Variants in MAP4K5 observed in about 807,000 individuals in gnomAD.
MAP4K5 encodes mitogen-activated protein kinase kinase kinase kinase 5.
In MAP4K5, 82 loss-of-function variants were observed where a neutral mutation model predicts 135.6. That is an observed-to-expected ratio of 0.60 (90% CI 0.51 to 0.73). MAP4K5 has a LOEUF of 0.73. Ranked by LOEUF, MAP4K5 falls within the 30% of genes least tolerant of loss-of-function variation. The pLI is 0.00. For synonymous variants in MAP4K5, 347 were observed against 335.0 expected (o/e 1.04, Z -0.39); for missense variants, 907 against 1,010.9 (o/e 0.90, Z 1.39).
At position 50,466,627 on chromosome 14, in the gene MAP4K5, T is replaced by C; in HGVS notation, c.693A>G (p.Ser231=). ...LHPMRALFLM[S]KSNFQPPKLK... is the part of the protein sequence containing the mutation. ...GTTTTGGAGGCTGAAAATTACTTTT[T>C]GACATTAAGAAGAGAGCCCTGAAAT... is the stretch of plus-strand genomic sequence containing the variant. Residue 231 remains serine, a synonymous_variant, in exon 11 of 33, where the codon TCA becomes TCG. Transcript: ENST00000682126. 6.9e-7 allele frequency: 1 copy of C among 1,453,210 alleles called. No individual in the cohort carries two copies. The highest frequency in any genetic ancestry group is 9.4e-7 in the Non-Finnish European group (1 of 1,058,466). The allele number at this position is 1,453,210 out of a possible 1,614,324, so 90.0% of individuals were successfully genotyped here. A position where few individuals can be genotyped will look rare whatever the true frequency, so the allele number is the denominator to read the frequency against.
At chr14:50,522,398 A>G (rs1285379434) in intron 2 of MAP4K5, among the ~76,000 whole-genome samples, 1 of 152,178 alleles carries the variant, frequency 6.6e-6, no homozygotes, top group Non-Finnish European at 1.5e-5. Flanking sequence ...AGAGCTTCAC[A>G]TTCATCATTA....
intron 21 of MAP4K5, among the ~76,000 whole-genome samples, chr14:50,440,797 G>A (rs2036209609): frequency 6.6e-6 from 1 of 151,914 alleles, no homozygotes; most frequent in African/African-American, 2.4e-5. Flanking sequence ...TATAAATCAC[G>A]ACACACTAGA....
chr14:50,462,590 C>T (rs780860078), intron 13 of MAP4K5, 75 bp downstream of exon 13: 24 of 965,476 alleles, frequency 2.5e-5, no homozygotes, highest in Non-Finnish European at 3.9e-5. Context: ...ACTCAGAAAA[C>T]AAAGAAAAAA....
chr14:50,553,330 A>G (rs2038725896), intron 1 of MAP4K5, among the ~76,000 whole-genome samples: 1 of 152,116 alleles, frequency 6.6e-6, no homozygotes, highest in Non-Finnish European at 1.5e-5. Flanking sequence ...AAATATATAC[A>G]GACAGCCAAC....
intron 21 of MAP4K5, among the ~76,000 whole-genome samples, chr14:50,440,653 CACTCTGACTTTATCTTACTATATA>C (rs965966877): frequency 8.5e-5 from 13 of 152,056 alleles, no homozygotes; most frequent in Non-Finnish European, 1.9e-4. Flanking sequence ...TAGACTAACT[CACTCTGACTTTATCTTACTATATA>C]ACCCTGCCTT....
upstream of MAP4K5, among the ~76,000 whole-genome samples, chr14:50,534,655 G>A (rs1468572257): frequency 1.3e-5 from 2 of 152,248 alleles, no homozygotes; most frequent in African/African-American, 4.8e-5. Flanking sequence ...GAGGCAGATA[G>A]CATGGAAAAA....
chr14:50,526,974 T>G (rs2038279205), intron 2 of MAP4K5, among the ~76,000 whole-genome samples: 4 of 152,278 alleles, frequency 2.6e-5, no homozygotes, highest in Admixed American at 2.6e-4. Flanking sequence ...AAAAAAAGTT[T>G]AAAAACTAGA....
At chr14:50,473,746 C>T (rs1484270148) in intron 9 of MAP4K5, among the ~76,000 whole-genome samples, 6 of 103,482 alleles carry the variant, frequency 5.8e-5, no homozygotes, top group East Asian at 3.2e-4. Context: ...TTTTTTGAGA[C>T]GGAGTCTCGC....
chr14:50,460,692 A>ACAGT (rs1226122183), intron 13 of MAP4K5, among the ~76,000 whole-genome samples: 1 of 152,338 alleles, frequency 6.6e-6, no homozygotes, highest in East Asian at 1.9e-4. Flanking sequence ...GGTACTCATG[A>ACAGT]CATGACAGGA....
chr14:50,477,060 C>T (rs1055095241), intron 6 of MAP4K5, among the ~76,000 whole-genome samples: 1 of 152,190 alleles, frequency 6.6e-6, no homozygotes, highest in East Asian at 1.9e-4. Context: ...ACTGAATCTA[C>T]AGAACAATTT....
intron 13 of MAP4K5, among the ~76,000 whole-genome samples, chr14:50,456,990 G>A (rs917688645): frequency 6.6e-6 from 1 of 152,296 alleles, no homozygotes; most frequent in Non-Finnish European, 1.5e-5. Flanking sequence ...ATCTCATCTG[G>A]GGCTCTGAAG....
intron 5 of MAP4K5, among the ~76,000 whole-genome samples, chr14:50,485,050 C>T (rs918436585): frequency 6.6e-6 from 1 of 152,002 alleles, no homozygotes; most frequent in African/African-American, 2.4e-5. Context: ...AAAAGCTAAA[C>T]AGTAGAGCCA....
intron 2 of MAP4K5, among the ~76,000 whole-genome samples, chr14:50,527,477 T>A (rs2038292841): frequency 6.6e-6 from 1 of 151,646 alleles, no homozygotes; most frequent in African/African-American, 2.4e-5. Context: ...GTCATTTCAA[T>A]CAAACAGAAA....
At chr14:50,435,130 C>G in intron 26 of MAP4K5, 65 bp from the exon 27 acceptor site, 10 of 766,096 alleles carry the variant, frequency 1.3e-5, no homozygotes, top group Non-Finnish European at 2.1e-5. Flanking sequence ...TTCATTGTAT[C>G]TGTTAACCAG....
chr14:50,509,238 G>C (rs982792509), intron 2 of MAP4K5, among the ~76,000 whole-genome samples: 1 of 151,884 alleles, frequency 6.6e-6, no homozygotes, highest in Admixed American at 6.6e-5. Flanking sequence ...GTCATGGGGT[G>C]GGGGGCAGGG....
rs546766033 is a variant in MAP4K5 at position 50,518,714 on chromosome 14, AC to A, written c.108+13227del. ...GGTCTTCCGCCCAATCTATTAGGAT[AC>A]TCATCTGTCTCTGAAAAGGTTTCTC... On this transcript the variant is annotated intron_variant, in intron 2 of 32. Transcript: ENST00000682126. Among the ~76,000 whole-genome samples the A allele has an allele frequency of 1.1e-4, 17 of 152,318 alleles. No individual in the cohort carries two copies. The South Asian group carries it at 1.9e-3, about 17-fold the overall frequency.
chr14:50,456,735 C>CTACA lies in MAP4K5; in HGVS notation c.937-145_937-142dup, dbSNP rs1170349694. 22 of 598,218 alleles carry CTACA rather than the reference C, an allele frequency of 3.7e-5. No individual in the cohort carries two copies. The South Asian group carries it at 4.5e-4, about 12-fold the overall frequency. The allele number at this position is 598,218 out of a possible 1,614,324, so 37.1% of individuals were successfully genotyped here. A position where few individuals can be genotyped will look rare whatever the true frequency, so the allele number is the denominator to read the frequency against. On this transcript the variant is annotated intron_variant, in intron 13 of 32. Coordinates refer to ENST00000682126, the MANE Select transcript of MAP4K5 (RefSeq NM_006575.6). Reference sequence around the variant, plus strand: ...AAACATAAAACAAATACAATGAACGCTACAATACTTCGGAAGTTTTTTCAC... The same window carrying CTACA: ...AAACATAAAACAAATACAATGAACGCTACATACAATACTTCGGAAGTTTTTTCAC...
At chr14:50,518,282 C>G (rs138607007) in intron 2 of MAP4K5, among the ~76,000 whole-genome samples, 1 of 151,920 alleles carries the variant, frequency 6.6e-6, no homozygotes. Flanking sequence ...TTTATTTTTA[C>G]TTTAAGTTAC....
At chr14:50,477,687 T>A (rs975222140) in intron 6 of MAP4K5, among the ~76,000 whole-genome samples, 5 of 152,176 alleles carry the variant, frequency 3.3e-5, no homozygotes, top group African/African-American at 1.2e-4. Flanking sequence ...TTATCAGGAA[T>A]GAATGTTGGA....
Sources: gnomAD v4.1 joint callset for allele counts (sites outside exome capture counted in the v4.1 genomes callset) on GRCh38, gnomAD v4.1.1 for gene constraint, MANE v1.5 for transcripts, NCBI Gene and HGNC (gene_info 2026-07-23, HGNC 2026-07-21) for gene names.